The following GOLGA4 variants were observed in gnomAD, a reference collection of about 807,000 sequenced individuals.
GOLGA4 encodes the protein golgin subfamily A member 4.
GOLGA4 carries 169 observed loss-of-function variants against 265.9 expected under a neutral mutation model. That is an observed-to-expected ratio of 0.64 (90% CI 0.56 to 0.72). The LOEUF is 0.72. GOLGA4 is among the 30% of genes least tolerant of loss of function. GOLGA4 has a pLI of 0.00. For synonymous variants in GOLGA4, 923 were observed against 855.8 expected (o/e 1.08, Z -1.37); for missense variants, 2,482 against 2,483.4 (o/e 1.00, Z 0.01).
intron 23 of GOLGA4, 127 bp downstream of exon 23, chr3:37,361,432 A>C: frequency 1.7e-6 from 1 of 582,222 alleles, no homozygotes; most frequent in Non-Finnish European, 3.1e-6. Flanking sequence ...GGTTAATATA[A>C]GTATTTTCTG....
intron 9 of GOLGA4, among the ~76,000 whole-genome samples, chr3:37,300,411 A>G (rs1352520642): frequency 1.3e-5 from 2 of 152,034 alleles, no homozygotes; most frequent in Admixed American, 1.3e-4. Context: ...GTTAAAATGT[A>G]TTGGCAATCT....
chr3:37,288,800 A>C (rs2096857329), intron 4 of GOLGA4, among the ~76,000 whole-genome samples: 1 of 152,134 alleles, frequency 6.6e-6, no homozygotes, highest in Non-Finnish European at 1.5e-5. Context: ...TTAAATATAG[A>C]CAATTATTTT....
intron 21 of GOLGA4, among the ~76,000 whole-genome samples, chr3:37,349,843 C>G (rs1362721709): frequency 2.0e-5 from 3 of 152,154 alleles, no homozygotes; most frequent in African/African-American, 7.2e-5. Context: ...ACCTGTGTTT[C>G]TTCGTCTGCT....
chr3:37,243,850 G>A, intron 1 of GOLGA4: 1 of 561,782 alleles, frequency 1.8e-6, no homozygotes, highest in South Asian at 2.3e-5. Flanking sequence ...GTGGATGGGG[G>A]TGGCTGGATC....
intron 10 of GOLGA4, 88 bp downstream of exon 10, chr3:37,302,420 T>C (rs1163254191): frequency 8.7e-7 from 1 of 1,147,516 alleles, no homozygotes; most frequent in East Asian, 2.6e-5. Context: ...GAGTTAAATA[T>C]TGATAAAAAT....
chr3:37,282,186 T>G lies in GOLGA4; in HGVS notation c.391T>G (p.Ser131Ala), dbSNP rs765663451. The change falls in exon 3 of 24, where the codon TCA becomes GCA. Residue 131 changes from serine (S) to alanine (A), a missense_variant. Around this residue, in one of 3 missense-constraint regions of GOLGA4, gnomAD observed 1,536 missense variants for 1,483.7 expected, o/e 1.04. Coordinates refer to ENST00000361924, the MANE Select transcript of GOLGA4 (RefSeq NM_002078.5). ...DSEAEDLVGN[S>A]DSLNKEQLIQ... is the part of the protein sequence containing the mutation. ...CGAGGCTGAAGACTTGGTAGGGAAT[T>G]CAGACAGTCTCAACAAAGAACAGTT... is the stretch of plus-strand genomic sequence containing the variant. 8.1e-6 allele frequency: 13 copies of G among 1,614,176 alleles called. No individual in the cohort carries two copies. The highest frequency in any genetic ancestry group is 1.1e-5 in the Non-Finnish European group (13 of 1,179,996).
Position 37,315,495 on chromosome 3 carries a change from T to C in GOLGA4, c.1310T>C (p.Met437Thr), listed in dbSNP as rs573495577. ...GCACGGAGAAAACTGAAGGCAGAAA[T>C]GGATGAACAAATAAAAACTATCGAA... ...EEARRKLKAE[M>T]DEQIKTIEKT... Residue 437 changes from methionine (M) to threonine (T), a missense_variant, in exon 11 of 24, where the codon ATG (methionine) becomes ACG (threonine). Around this residue, in one of 3 missense-constraint regions of GOLGA4, gnomAD observed 1,536 missense variants for 1,483.7 expected, o/e 1.04. Coordinates refer to ENST00000361924, the MANE Select transcript of GOLGA4 (RefSeq NM_002078.5). 5.6e-6 allele frequency: 9 copies of C among 1,613,824 alleles called. No homozygotes were observed. In the Admixed American group the frequency reaches 6.7e-5, roughly 12 times the overall value.
Position 37,315,613 on chromosome 3 carries a change from G to T in GOLGA4, c.1413+15G>T, listed in dbSNP as rs762347071. On this transcript the variant is annotated intron_variant, in intron 11 of 23. Coordinates refer to ENST00000361924, the MANE Select transcript of GOLGA4 (RefSeq NM_002078.5). ...ATGTAATGAAAGTAAGAATAATTCT[G>T]TAATGAAATGGGCTACAACAAATTT... 6 of 1,591,884 alleles carry T rather than the reference G, an allele frequency of 3.8e-6. No homozygotes were observed.
Position 37,366,323 on chromosome 3 carries a change from A to G in GOLGA4, c.*277A>G. 1 of 413,856 alleles carries G rather than the reference A, an allele frequency of 2.4e-6. No homozygotes were observed. 25.6% of individuals were successfully genotyped at this position (413,856 alleles called of 1,614,324 possible). A position where few individuals can be genotyped will look rare whatever the true frequency, so the allele number is the denominator to read the frequency against. On this transcript the variant is annotated 3_prime_UTR_variant, in exon 24 of 24. Coordinates refer to ENST00000361924, the MANE Select transcript of GOLGA4 (RefSeq NM_002078.5). ...CTTGGGAAGAGTTTTATGTTGTTTA[A>G]AAGATATTTTGATAACTTAACCTGC...
chr3:37,334,093 T>C (rs1183370725), intron 16 of GOLGA4, among the ~76,000 whole-genome samples: 1 of 152,184 alleles, frequency 6.6e-6, no homozygotes, highest in East Asian at 1.9e-4. Flanking sequence ...GCACAAAGGT[T>C]ATTGCAGGGT....
chr3:37,275,324 A>C (rs189844482), intron 2 of GOLGA4, among the ~76,000 whole-genome samples: 6 of 151,392 alleles, frequency 4.0e-5, no homozygotes, highest in Admixed American at 2.6e-4. Flanking sequence ...TTAGATCCTC[A>C]TAACTGTCAG....
At position 37,297,170 on chromosome 3, in the gene GOLGA4, C is replaced by T. The variant is rs184755644; in HGVS notation, c.814+951C>T. The stretch of plus-strand genomic sequence containing the variant: ...TTTTGTCTTAAAATTCAGTTACAGC[C>T]TTCTTTGCTTTGAGGCTTGAGGTAT... On this transcript the variant is annotated intron_variant, in intron 7 of 23. Coordinates refer to ENST00000361924, the MANE Select transcript of GOLGA4 (RefSeq NM_002078.5). 4.9e-3 allele frequency among the ~76,000 whole-genome samples: 741 copies of T among 152,250 alleles called. 10 individuals carry two copies. The highest frequency in any genetic ancestry group is 0.017 in the African/African-American group (708 of 41,528).
intron 9 of GOLGA4, among the ~76,000 whole-genome samples, chr3:37,301,054 C>T (rs1183136564): frequency 6.6e-6 from 1 of 152,178 alleles, no homozygotes; most frequent in Admixed American, 6.5e-5. Flanking sequence ...CTCTCTGTCT[C>T]TCCATTAATA....
intron 23 of GOLGA4, among the ~76,000 whole-genome samples, chr3:37,365,833 G>A (rs978152016): frequency 7.7e-5 from 10 of 130,000 alleles, no homozygotes; most frequent in African/African-American, 2.6e-4. Flanking sequence ...GGGTCTTGCT[G>A]TGTTGACCAG....
intron 4 of GOLGA4, 75 bp downstream of exon 4, chr3:37,286,136 TTC>T (rs372043287): frequency 0.018 from 8,117 of 449,262 alleles, 1,052 homozygotes; most frequent in African/African-American, 0.038. Context: ...AGATATTTCT[TTC>T]TTTTTTTTTT....
At chr3:37,319,393 A>G (rs2096948258) in intron 12 of GOLGA4, 199 bp downstream of exon 12, 1 of 359,916 alleles carries the variant, frequency 2.8e-6, no homozygotes, top group Non-Finnish European at 5.2e-6. Flanking sequence ...TACTGATCTA[A>G]CACACTTTCT....
At chr3:37,248,580 T>A (rs561265951) in intron 1 of GOLGA4, among the ~76,000 whole-genome samples, 49 of 152,342 alleles carry the variant, frequency 3.2e-4, no homozygotes, top group African/African-American at 1.1e-3. Context: ...CACATCCATT[T>A]TCTCATATAA....
At chr3:37,292,584 G>A (rs2096867742) in intron 5 of GOLGA4, among the ~76,000 whole-genome samples, 1 of 152,130 alleles carries the variant, frequency 6.6e-6, no homozygotes, top group Non-Finnish European at 1.5e-5. Flanking sequence ...TACTCGGTAG[G>A]CTGAGGCAGG....
chr3:37,284,732 C>T (rs984975831), intron 3 of GOLGA4, among the ~76,000 whole-genome samples: 3 of 150,814 alleles, frequency 2.0e-5, no homozygotes, highest in African/African-American at 4.9e-5. Context: ...GGCATCATCA[C>T]GGCTCACCTT....
Sources: allele counts gnomAD v4.1 joint callset (sites outside exome capture counted in the v4.1 genomes callset), GRCh38; gene constraint gnomAD v4.1.1; regional missense constraint gnomAD v4.1.1; transcripts MANE v1.5; gene names NCBI Gene and HGNC (gene_info 2026-07-23, HGNC 2026-07-21).